ARL15: variants seen among roughly 807,000 people sequenced by gnomAD.
The protein encoded by ARL15 is ARF like GTPase 15.
ARL15 carries 19 observed loss-of-function variants against 25.2 expected under a neutral mutation model. The ratio of observed to expected loss-of-function variants is 0.75; its 90% confidence interval spans 0.53 to 1.10. The LOEUF (loss-of-function observed/expected upper bound fraction) is 1.10, where lower values mean the gene tolerates loss of function less well. Among genes scored for constraint, ARL15 ranks in the 50% least tolerant of loss-of-function variants. The pLI is 0.00. For synonymous variants in ARL15, 94 were observed against 86.8 expected, an observed-to-expected ratio of 1.08 and a Z score of -0.46; for missense variants, 220 against 246.0, an observed-to-expected ratio of 0.89 and a Z score of 0.71.
intron 1 of ARL15, chr5:54,282,289 ACAAACAG>A: frequency 1.0e-6 from 1 of 985,464 alleles, no homozygotes; most frequent in Non-Finnish European, 1.2e-6. Context: ...TCCCAATTCT[ACAAACAG>A]CAAATGAGAT....
chr5:54,141,105 T>G (rs1753766746), intron 3 of ARL15, among the ~76,000 whole-genome samples: 1 of 152,166 alleles, frequency 6.6e-6, no homozygotes, highest in African/African-American at 2.4e-5. Context: ...ACAACTGGGT[T>G]ATACTGAGAA....
intron 3 of ARL15, among the ~76,000 whole-genome samples, chr5:54,128,706 C>CTTTTTTT (rs34430326): frequency 7.7e-6 from 1 of 130,252 alleles, no homozygotes; most frequent in Non-Finnish European, 1.6e-5. Flanking sequence ...TATTTTGATT[C>CTTTTTTT]TTTTTTTTTT....
intron 1 of ARL15, among the ~76,000 whole-genome samples, chr5:54,277,102 T>C (rs1185330293): frequency 6.6e-6 from 1 of 152,196 alleles, no homozygotes; most frequent in Non-Finnish European, 1.5e-5. Flanking sequence ...TGAATTAGGG[T>C]AGGATTTGTC....
chr5:53,997,821 T>TA (rs1050509167), intron 4 of ARL15, among the ~76,000 whole-genome samples: 1 of 151,764 alleles, frequency 6.6e-6, no homozygotes, highest in African/African-American at 2.4e-5. Flanking sequence ...AATCTCCACT[T>TA]AAAAAAAAGA....
intron 3 of ARL15, among the ~76,000 whole-genome samples, chr5:54,128,046 G>A (rs1050395053): frequency 8.5e-5 from 13 of 152,114 alleles, no homozygotes; most frequent in South Asian, 2.1e-4. Context: ...ACTTCTGTTC[G>A]TTATAAATTA....
At chr5:53,915,592 G>A (rs1745615000) in intron 4 of ARL15, among the ~76,000 whole-genome samples, 1 of 152,172 alleles carries the variant, frequency 6.6e-6, no homozygotes, top group Admixed American at 6.5e-5. Flanking sequence ...ATTTTGTGGA[G>A]AATAGGCTGT....
At chr5:54,103,372 T>C (rs1368707976) in intron 4 of ARL15, among the ~76,000 whole-genome samples, 4 of 152,150 alleles carry the variant, frequency 2.6e-5, no homozygotes, top group Non-Finnish European at 1.5e-5. Flanking sequence ...CTTATTGGTA[T>C]TGAAGGTGTG....
At chr5:54,217,536 C>T (rs75897661) in intron 1 of ARL15, among the ~76,000 whole-genome samples, 2,681 of 152,216 alleles carry the variant, frequency 0.018, 85 homozygotes, top group African/African-American at 0.06. Flanking sequence ...CAAATAAAAA[C>T]TGTAGAGATA....
chr5:54,181,162 T>C (rs1755044800), intron 1 of ARL15, among the ~76,000 whole-genome samples: 1 of 152,138 alleles, frequency 6.6e-6, no homozygotes, highest in Non-Finnish European at 1.5e-5. Context: ...TGGAAATAGA[T>C]CAGAGGAATA....
chr5:54,147,722 G>A (rs139902315), intron 3 of ARL15, among the ~76,000 whole-genome samples: 86 of 152,258 alleles, frequency 5.6e-4, no homozygotes, highest in African/African-American at 2.0e-3. Flanking sequence ...AACACTTTTC[G>A]AATAGCAAGT....
At chr5:54,279,534 C>T (rs1239739007) in intron 1 of ARL15, among the ~76,000 whole-genome samples, 1 of 152,174 alleles carries the variant, frequency 6.6e-6, no homozygotes, top group Admixed American at 6.5e-5. Context: ...CCCTCATGAC[C>T]TCATCTAAAC....
intron 4 of ARL15, among the ~76,000 whole-genome samples, chr5:53,945,816 A>G (rs750925417): frequency 2.1e-4 from 32 of 152,342 alleles, no homozygotes; most frequent in Non-Finnish European, 2.8e-4. Flanking sequence ...TCCACTAACC[A>G]TAAACATAGA....
intron 4 of ARL15, among the ~76,000 whole-genome samples, chr5:54,072,496 C>T (rs186799922): frequency 1.3e-5 from 2 of 152,262 alleles, no homozygotes; most frequent in African/African-American, 2.4e-5. Context: ...GGTACAAATG[C>T]TATCATCATG....
intron 4 of ARL15, among the ~76,000 whole-genome samples, chr5:54,046,001 T>A (rs1165727178): frequency 6.6e-6 from 1 of 152,210 alleles, no homozygotes; most frequent in Non-Finnish European, 1.5e-5. Flanking sequence ...ATATCTGTAA[T>A]AAAAAGAATA....
intron 4 of ARL15, among the ~76,000 whole-genome samples, chr5:54,031,692 A>C (rs1749989406): frequency 6.6e-6 from 1 of 152,194 alleles, no homozygotes; most frequent in East Asian, 1.9e-4. Context: ...ACCACCATTC[A>C]TGGCGAGAGT....
intron 3 of ARL15, among the ~76,000 whole-genome samples, chr5:54,122,695 T>C (rs767874466): frequency 6.6e-6 from 1 of 152,220 alleles, no homozygotes; most frequent in African/African-American, 2.4e-5. Flanking sequence ...TTCTGTCAAG[T>C]AGATTTTTAA....
At chr5:54,263,137 G>GT (rs1554051267) in intron 1 of ARL15, among the ~76,000 whole-genome samples, 27 of 149,540 alleles carry the variant, frequency 1.8e-4, no homozygotes, top group East Asian at 7.8e-4. Context: ...CAATATTTTA[G>GT]TTTTTTTTTT....
intron 3 of ARL15, among the ~76,000 whole-genome samples, chr5:54,124,680 A>T (rs1753189035): frequency 6.6e-6 from 1 of 152,230 alleles, no homozygotes; most frequent in South Asian, 2.1e-4. Flanking sequence ...AGAATGACCC[A>T]TATTTTGTAT....
chr5:54,240,591 C>A (rs544612536), intron 1 of ARL15, among the ~76,000 whole-genome samples: 8 of 152,246 alleles, frequency 5.3e-5, no homozygotes, highest in African/African-American at 1.9e-4. Flanking sequence ...GCCATCTAGA[C>A]TAGGAAGTTT....
Sources: gnomAD v4.1 joint callset for allele counts (sites outside exome capture counted in the v4.1 genomes callset) on GRCh38, gnomAD v4.1.1 for gene constraint, MANE v1.5 for transcripts, NCBI Gene and HGNC (gene_info 2026-07-23, HGNC 2026-07-21) for gene names.